The following DNMBP variants were observed in gnomAD, a reference collection of about 807,000 sequenced individuals.
DNMBP encodes the protein dynamin binding protein.
DNMBP carries 87 observed loss-of-function variants against 150.0 expected under a neutral mutation model. The observed-to-expected ratio is 0.58, with a 90% CI of 0.49 to 0.69. The LOEUF is 0.69. DNMBP is among the 30% of genes least tolerant of loss of function. The pLI is 0.00. For synonymous variants in DNMBP, 711 were observed against 750.4 expected (o/e 0.95, Z 0.86); for missense variants, 1,774 against 1,949.0 (o/e 0.91, Z 1.69).
chr10:99,964,668 C>T (rs967732333), intron 3 of DNMBP, among the ~76,000 whole-genome samples: 2 of 151,350 alleles, frequency 1.3e-5, no homozygotes, highest in African/African-American at 2.4e-5. Flanking sequence ...GTCAGGAGTT[C>T]GAGACCAGCT....
chr10:99,911,786 CAT>C (rs2039903651), intron 4 of DNMBP, among the ~76,000 whole-genome samples: 1 of 152,182 alleles, frequency 6.6e-6, no homozygotes, highest in African/African-American at 2.4e-5. Flanking sequence ...AAACTTGAAG[CAT>C]AACCCTGATT....
intron 1 of DNMBP, among the ~76,000 whole-genome samples, chr10:99,998,539 C>T (rs1283053794): frequency 6.9e-6 from 1 of 144,350 alleles, no homozygotes; most frequent in African/African-American, 2.6e-5. Context: ...AAGATCACAC[C>T]ACTGCACTCC....
intron 1 of DNMBP, among the ~76,000 whole-genome samples, chr10:99,981,189 T>C (rs1224542423): frequency 6.6e-6 from 1 of 152,202 alleles, no homozygotes; most frequent in Non-Finnish European, 1.5e-5. Flanking sequence ...GTAATGTTTA[T>C]TTTATTTTTT....
intron 4 of DNMBP, among the ~76,000 whole-genome samples, chr10:99,944,537 G>A (rs1266415082): frequency 6.6e-6 from 1 of 152,168 alleles, no homozygotes; most frequent in Admixed American, 6.5e-5. Context: ...ACCTTAACTT[G>A]TTAATTAGCA....
At chr10:99,921,075 G>C (rs539863324) in intron 4 of DNMBP, among the ~76,000 whole-genome samples, 1 of 152,338 alleles carries the variant, frequency 6.6e-6, no homozygotes, top group Admixed American at 6.5e-5. Context: ...TACTATGGGA[G>C]GCCTCTTTCT....
chr10:100,003,545 A>G (rs1210752427), intron 1 of DNMBP, among the ~76,000 whole-genome samples: 1 of 152,210 alleles, frequency 6.6e-6, no homozygotes, highest in Non-Finnish European at 1.5e-5. Context: ...ACGGAAAGAC[A>G]CATTATATGC....
At position 99,883,915 on chromosome 10, in the gene DNMBP, T is replaced by C. The variant is rs952568627; in HGVS notation, c.3997+96A>G. ...TTTTTCCCCTTAATCAAAGATACTT[T>C]TTGCTTTTTTTTCCTGGCCTAGTCC... On this transcript the variant is annotated intron_variant, in intron 15 of 16. Transcript: ENST00000324109. 8 of 1,086,970 alleles carry C rather than the reference T, an allele frequency of 7.4e-6. No individual in the cohort carries two copies. The African/African-American group carries it at 1.4e-4, about 19-fold the overall frequency. The allele number at this position is 1,086,970 out of a possible 1,614,324, so 67.3% of individuals were successfully genotyped here.
chr10:99,909,281 CAT>C (rs2039871735), intron 4 of DNMBP, 135 bp from the exon 5 acceptor site: 1 of 688,530 alleles, frequency 1.5e-6, no homozygotes, highest in Non-Finnish European at 2.4e-6. Context: ...TCAGATCGCA[CAT>C]GTCAGTTGTA....
At position 99,969,131 on chromosome 10, in the gene DNMBP, A is replaced by C; in HGVS notation, c.252T>G (p.Asn84Lys). Residue 84 changes from asparagine (N) to lysine (K), a missense_variant, in exon 3 of 17, where the codon AAT (asparagine) becomes AAG (lysine). Around this residue, in one of 2 missense-constraint regions of DNMBP, gnomAD observed 344 missense variants for 456.6 expected, o/e 0.75. Coordinates refer to ENST00000324109, the MANE Select transcript of DNMBP (RefSeq NM_015221.4). The part of the protein sequence containing the change: ...ICEFTSQELD[N>K]LPLHRGDLVI... ...GCAGCTTACCTCGATGGAGGGGAAG[A>C]TTATCCAACTCTTGGGATGTGAATT... The C allele has an allele frequency of 2.5e-6, 4 of 1,614,144 alleles. No homozygotes were observed. The highest frequency in any genetic ancestry group is 3.4e-6 in the Non-Finnish European group (4 of 1,180,010).
intron 6 of DNMBP, among the ~76,000 whole-genome samples, chr10:99,901,601 A>C (rs2039739329): frequency 6.6e-6 from 1 of 152,154 alleles, no homozygotes; most frequent in Non-Finnish European, 1.5e-5. Context: ...AATTGCCTTC[A>C]GAGCTGTGGC....
chr10:99,974,908 T>A (rs2133358705), intron 1 of DNMBP, among the ~76,000 whole-genome samples: 1 of 152,250 alleles, frequency 6.6e-6, no homozygotes, highest in South Asian at 2.1e-4. Flanking sequence ...TGGCTACAGG[T>A]ATGCATAACC....
Position 99,894,994 on chromosome 10 carries a change from C to T in DNMBP, c.3108G>A (p.Leu1036=). ...TEKNFRMQER[L]IKSFIRDLSL... ...ACAGGTCTCGGATAAAAGACTTAATCAATCTTTCTTGCATTCGGAAGTTTT... is the reference window on the plus strand; with the variant it reads ...ACAGGTCTCGGATAAAAGACTTAATTAATCTTTCTTGCATTCGGAAGTTTT... The change falls in exon 11 of 17, where the codon TTG becomes TTA. Residue 1036 remains leucine (L), a synonymous_variant. Coordinates refer to ENST00000324109, the MANE Select transcript of DNMBP (RefSeq NM_015221.4). 1 of 1,613,822 alleles carries T rather than the reference C, an allele frequency of 6.2e-7. No homozygotes were observed. The highest frequency in any genetic ancestry group is 2.2e-5 in the East Asian group (1 of 44,884).
At chr10:99,984,193 C>G (rs955110979) in intron 1 of DNMBP, among the ~76,000 whole-genome samples, 2 of 152,088 alleles carry the variant, frequency 1.3e-5, no homozygotes, top group Non-Finnish European at 2.9e-5. Flanking sequence ...GGAGGGAGGT[C>G]CCAAGATTAA....
chr10:99,892,240 A>G (rs2039583254), intron 11 of DNMBP, among the ~76,000 whole-genome samples: 1 of 149,628 alleles, frequency 6.7e-6, no homozygotes, highest in African/African-American at 2.5e-5. Flanking sequence ...CCCGGCCACC[A>G]CCCCGTCTGG....
chr10:99,914,718 A>G (rs1298445086), intron 4 of DNMBP, among the ~76,000 whole-genome samples: 1 of 152,170 alleles, frequency 6.6e-6, no homozygotes, highest in Non-Finnish European at 1.5e-5. Flanking sequence ...AAAATGCACA[A>G]TTTTGTAAGA....
At chr10:99,908,592 A>T (rs2039855520) in intron 5 of DNMBP, among the ~76,000 whole-genome samples, 1 of 152,210 alleles carries the variant, frequency 6.6e-6, no homozygotes, top group Admixed American at 6.5e-5. Context: ...ACTCTATATG[A>T]ACAGGTACTA....
intron 7 of DNMBP, among the ~76,000 whole-genome samples, chr10:99,899,407 A>C (rs1040397617): frequency 6.6e-6 from 1 of 151,982 alleles, no homozygotes; most frequent in Non-Finnish European, 1.5e-5. Flanking sequence ...TTTGAGACCA[A>C]GGTGGCCAAC....
chr10:99,983,820 A>T (rs568091271), intron 1 of DNMBP, among the ~76,000 whole-genome samples: 8 of 152,312 alleles, frequency 5.3e-5, no homozygotes, highest in Admixed American at 3.9e-4. Flanking sequence ...CTTATATTGC[A>T]ACACTTTGCT....
intron 6 of DNMBP, among the ~76,000 whole-genome samples, chr10:99,905,358 T>A (rs147510796): frequency 1.6e-3 from 239 of 152,324 alleles, no homozygotes; most frequent in South Asian, 8.9e-3. Context: ...AGACTTGAGT[T>A]TGAATGCCAG....
Sources: allele counts gnomAD v4.1 joint callset (sites outside exome capture counted in the v4.1 genomes callset), GRCh38; gene constraint gnomAD v4.1.1; regional missense constraint gnomAD v4.1.1; transcripts MANE v1.5; gene names NCBI Gene and HGNC (gene_info 2026-07-23, HGNC 2026-07-21).